CCDC13: variants seen among roughly 807,000 people sequenced by gnomAD.
The protein encoded by CCDC13 is coiled-coil domain-containing protein 13.
A neutral mutation model predicts 87.3 loss-of-function variants in CCDC13; 70 were observed. The ratio of observed to expected loss-of-function variants is 0.80; its 90% CI spans 0.66 to 0.98. CCDC13 has a LOEUF of 0.98. Ranked by LOEUF, CCDC13 falls within the 50% of genes least tolerant of loss-of-function variation. The pLI, the probability that CCDC13 is intolerant of heterozygous loss-of-function variation, is 0.00. For synonymous variants in CCDC13, 317 were observed against 360.3 expected (o/e 0.88, Z 1.36); for missense variants, 842 against 892.0 (o/e 0.94, Z 0.71).
intron 13 of CCDC13, among the ~76,000 whole-genome samples, chr3:42,726,481 A>G (rs1698691979): frequency 6.6e-6 from 1 of 152,336 alleles, no homozygotes; most frequent in African/African-American, 2.4e-5. Context: ...GTAAGGGTAA[A>G]GAGATGTGGA....
chr3:42,759,908 T>C (rs569542121), intron 1 of CCDC13, among the ~76,000 whole-genome samples: 1 of 152,336 alleles, frequency 6.6e-6, no homozygotes, highest in Admixed American at 6.5e-5. Flanking sequence ...CCATTTTACA[T>C]TCTTACTAGC....
At chr3:42,755,125 T>C (rs1401415521) in intron 3 of CCDC13, among the ~76,000 whole-genome samples, 3 of 152,176 alleles carry the variant, frequency 2.0e-5, no homozygotes, top group African/African-American at 4.8e-5. Flanking sequence ...TACATTCCAT[T>C]TGAAGTGGTA....
At position 42,707,168 on chromosome 3, in the gene CCDC13, C is replaced by T. The variant is rs1294817789; in HGVS notation, c.*1812G>A. ...GTACCCCTCATACTCAGATCACCCT[C>T]TGGAGCTCCTCAGGGCCTGCAGGAG... On this transcript the variant is annotated 3_prime_UTR_variant, in exon 16 of 16. Coordinates refer to ENST00000310232, the MANE Select transcript of CCDC13 (RefSeq NM_144719.4). Among the ~76,000 whole-genome samples the T allele has an allele frequency of 1.3e-5, 2 of 152,200 alleles. No individual in the cohort carries two copies. Among genetic ancestry groups the T allele is most frequent in the Admixed American group, 1.3e-4 (2 of 15,282 alleles).
Position 42,705,870 on chromosome 3 carries a change from T to TC in CCDC13, c.*3109dup, listed in dbSNP as rs1310874935. The stretch of plus-strand genomic sequence containing the variant: ...CCTTGAAAATCCTTCTCCCAGGCTC[T>TC]CCCCACCTTCCCTTTACTCCTCCTT... On this transcript the variant is annotated 3_prime_UTR_variant, in exon 16 of 16. Transcript: ENST00000310232. 2.0e-5 allele frequency among the ~76,000 whole-genome samples: 3 copies of TC among 152,132 alleles called. No individual in the cohort carries two copies. Among genetic ancestry groups the TC allele is most frequent in the African/African-American group, 7.2e-5 (3 of 41,426 alleles).
At chr3:42,772,345 C>G (rs1403694924) in intron 1 of CCDC13, among the ~76,000 whole-genome samples, 1 of 150,548 alleles carries the variant, frequency 6.6e-6, no homozygotes, top group Non-Finnish European at 1.5e-5. Context: ...GAACTCTTGG[C>G]TCAGGTAGGA....
intron 5 of CCDC13, among the ~76,000 whole-genome samples, chr3:42,747,859 G>A (rs1699460439): frequency 6.6e-6 from 1 of 152,232 alleles, no homozygotes; most frequent in African/African-American, 2.4e-5. Context: ...AGCCCAGCGT[G>A]GCAGGAGAGC....
intron 7 of CCDC13, among the ~76,000 whole-genome samples, chr3:42,743,323 G>A (rs569077221): frequency 1.3e-5 from 2 of 152,190 alleles, no homozygotes; most frequent in Admixed American, 1.3e-4. Flanking sequence ...AGGCTGGAAA[G>A]CAGACCTATG....
chr3:42,735,938 G>C, intron 9 of CCDC13, 25 bp from the exon 10 acceptor site: 1 of 1,601,672 alleles, frequency 6.2e-7, no homozygotes. Flanking sequence ...AGGAGGGCAG[G>C]TGGAGTCAGT....
At chr3:42,716,297 A>G (rs560451084) in intron 13 of CCDC13, among the ~76,000 whole-genome samples, 1 of 152,336 alleles carries the variant, frequency 6.6e-6, no homozygotes, top group East Asian at 1.9e-4. Context: ...TCTAACCTCC[A>G]AGGAACCAAT....
chr3:42,737,754 T>C (rs1235376496), intron 9 of CCDC13, among the ~76,000 whole-genome samples: 1 of 152,226 alleles, frequency 6.6e-6, no homozygotes, highest in Non-Finnish European at 1.5e-5. Context: ...CACTTTTTGA[T>C]GGGGTTGTTT....
intron 5 of CCDC13, 116 bp downstream of exon 5, chr3:42,751,820 C>G: frequency 3.6e-6 from 3 of 829,556 alleles, no homozygotes; most frequent in Non-Finnish European, 5.9e-6. Context: ...GGCTCGGCAG[C>G]GGGGTTGGGG....
At position 42,730,530 on chromosome 3, in the gene CCDC13, A is replaced by C; in HGVS notation, c.1655T>G (p.Leu552Arg). The stretch of plus-strand genomic sequence containing the variant: ...ACGCTCCACCTCGGCAGCCTGCCAG[A>C]GGGCCTTGATCTCTGACACTTGTGC... ...WQAQVSEIKA[L>R]WQAAEVERDR... is the part of the protein sequence containing the mutation. The change falls in exon 13 of 16, where the codon CTC (leucine) becomes CGC (arginine). Residue 552 changes from leucine to arginine, a missense_variant. Leu to Arg is a moderately radical substitution (Grantham distance 102, BLOSUM62 -2). Coordinates refer to ENST00000310232, the MANE Select transcript of CCDC13 (RefSeq NM_144719.4). The C allele has an allele frequency of 6.2e-7, 1 of 1,614,178 alleles. No homozygotes were observed. Among genetic ancestry groups the C allele is most frequent in the Non-Finnish European group, 8.5e-7 (1 of 1,180,012 alleles).
intron 6 of CCDC13, 149 bp downstream of exon 6, chr3:42,747,108 G>A (rs1433947609): frequency 3.9e-6 from 3 of 772,550 alleles, no homozygotes; most frequent in South Asian, 2.7e-5. Context: ...TGGGAGGAAG[G>A]ACTGGAACTG....
At chr3:42,705,000 G>A (rs1454407375), downstream of CCDC13, 1 of 152,322 alleles carries the variant, frequency 6.6e-6, no homozygotes, top group Non-Finnish European at 1.5e-5. Context: ...TTTTGTATCA[G>A]TTGTGTGTGG....
chr3:42,767,615 T>G (rs1303471097), intron 1 of CCDC13, among the ~76,000 whole-genome samples: 1 of 152,046 alleles, frequency 6.6e-6, no homozygotes, highest in Non-Finnish European at 1.5e-5. Context: ...AGGCAAAAGA[T>G]CCAGAATATC....
intron 14 of CCDC13, among the ~76,000 whole-genome samples, chr3:42,711,355 C>T (rs1393610261): frequency 1.3e-5 from 2 of 152,108 alleles, no homozygotes; most frequent in East Asian, 3.8e-4. Flanking sequence ...GGTGGTGTGA[C>T]CCACAGTAAA....
rs760474071 is a variant in CCDC13, at chr3:42,751,916, G to T, written c.603+20C>A. 6 of 1,607,574 alleles carry T rather than the reference G, an allele frequency of 3.7e-6. No homozygotes were observed. In the African/African-American group the frequency reaches 8.0e-5, roughly 21 times the overall value. Reference sequence around the variant, plus strand: ...CCATGGCTGCCTCACAGACTTCCCAGCACAGAAGAGAATTCATACCAATGC... The same window carrying T: ...CCATGGCTGCCTCACAGACTTCCCATCACAGAAGAGAATTCATACCAATGC... On this transcript the variant is annotated intron_variant, in intron 5 of 15. Transcript: ENST00000310232.
chr3:42,759,630 A>C (rs1194220556), intron 1 of CCDC13, among the ~76,000 whole-genome samples: 1 of 152,240 alleles, frequency 6.6e-6, no homozygotes, highest in African/African-American at 2.4e-5. Flanking sequence ...TTATAAGCTC[A>C]TTCGTTTTTA....
At chr3:42,759,600 C>A (rs1699786780) in intron 1 of CCDC13, among the ~76,000 whole-genome samples, 1 of 152,082 alleles carries the variant, frequency 6.6e-6, no homozygotes, top group Admixed American at 6.6e-5. Flanking sequence ...TTTTGAGATT[C>A]ATCAATGTCA....
Sources: allele counts gnomAD v4.1 joint callset (sites outside exome capture counted in the v4.1 genomes callset), GRCh38; gene constraint gnomAD v4.1.1; transcripts MANE v1.5; gene names NCBI Gene and HGNC (gene_info 2026-07-23, HGNC 2026-07-21).